Variants in PARP15 observed in about 807,000 individuals in gnomAD.
The protein encoded by PARP15 is poly(ADP-ribose) polymerase family member 15.
In PARP15, 50 loss-of-function variants were observed where a neutral mutation model predicts 62.1. The ratio of observed to expected loss-of-function variants is 0.81; its 90% CI spans 0.64 to 1.02. The LOEUF is 1.02. PARP15 is among the 50% of genes least tolerant of loss of function. The pLI is 0.00. For synonymous variants in PARP15, 309 were observed against 293.1 expected, an observed-to-expected ratio of 1.05 and a Z score of -0.55; for missense variants, 820 against 826.5, an observed-to-expected ratio of 0.99 and a Z score of 0.10.
intron 7 of PARP15, among the ~76,000 whole-genome samples, chr3:122,621,043 A>G (rs917859833): frequency 6.6e-6 from 1 of 152,280 alleles, no homozygotes; most frequent in Non-Finnish European, 1.5e-5. Flanking sequence ...CTCTTCTGGG[A>G]CAGCAGAGTG....
intron 6 of PARP15, among the ~76,000 whole-genome samples, chr3:122,619,391 C>G (rs962428283): frequency 2.0e-5 from 3 of 152,182 alleles, no homozygotes; most frequent in African/African-American, 7.2e-5. Flanking sequence ...AATCAAAGAA[C>G]TTAGTAAAGT....
At chr3:122,611,879 T>A (rs1024926880) in intron 3 of PARP15, among the ~76,000 whole-genome samples, 3 of 151,814 alleles carry the variant, frequency 2.0e-5, no homozygotes, top group African/African-American at 7.3e-5. Context: ...TACACCTGGC[T>A]AATTTTGTAT....
intron 1 of PARP15, among the ~76,000 whole-genome samples, chr3:122,586,710 C>T (rs1405536887): frequency 6.6e-6 from 1 of 151,950 alleles, no homozygotes; most frequent in Non-Finnish European, 1.5e-5. Flanking sequence ...CTATATACCC[C>T]TCACACCCCA....
intron 3 of PARP15, among the ~76,000 whole-genome samples, 173 bp downstream of exon 3, chr3:122,610,903 A>G (rs538223824): frequency 2.0e-5 from 3 of 152,158 alleles, no homozygotes; most frequent in South Asian, 2.1e-4. Context: ...TAAATATTCT[A>G]TGATGCACAC....
intron 1 of PARP15, among the ~76,000 whole-genome samples, chr3:122,601,961 G>A (rs77354799): frequency 0.016 from 2,404 of 151,910 alleles, 66 homozygotes; most frequent in African/African-American, 0.053. Context: ...TCTTAAACAG[G>A]ACTATATTAC....
Position 122,632,221 on chromosome 3 carries a change from T to C in PARP15, c.1572+2T>C, listed in dbSNP as rs1275176911. 6.2e-7 allele frequency: 1 copy of C among 1,610,714 alleles called. No individual in the cohort carries two copies. Among genetic ancestry groups the C allele is most frequent in the South Asian group, 1.1e-5 (1 of 90,570 alleles). The stretch of plus-strand genomic sequence containing the variant: ...TGTTCTTCCTACGCAATAGAGAAGG[T>C]AATACTGTGTTAAAATTTACTGTTC... On this transcript the variant is annotated splice_donor_variant, in intron 10 of 11. Transcript: ENST00000464300. LOFTEE classifies it high-confidence loss of function.
rs1482070855 is a variant in PARP15, at chr3:122,636,083, A to G, written c.2020A>G (p.Ile674Val). The stretch of plus-strand genomic sequence containing the variant: ...TAATCAGGCTTACCCAGAATATCTC[A>G]TAACTTTCACGGCTTAAAAATATTT... Reference protein sequence around the residue: ...FDNQAYPEYLITFTA With the variant: ...FDNQAYPEYLVTFTA Residue 674 changes from isoleucine (I) to valine (V), a missense_variant, in exon 12 of 12, where the codon ATA becomes GTA. By Grantham distance (29) the Ile-to-Val change is conservative. Coordinates refer to ENST00000464300, the MANE Select transcript of PARP15 (RefSeq NM_001113523.3). 11 of 1,607,900 alleles carry G rather than the reference A, an allele frequency of 6.8e-6. No homozygotes were observed. Among genetic ancestry groups the G allele is most frequent in the African/African-American group, 1.3e-5 (1 of 74,874 alleles).
chr3:122,590,992 G>A (rs895681028), intron 1 of PARP15, among the ~76,000 whole-genome samples: 2 of 152,102 alleles, frequency 1.3e-5, no homozygotes, highest in Admixed American at 6.5e-5. Flanking sequence ...CCCATGATTT[G>A]GTGAGTAAAT....
chr3:122,589,780 T>C (rs1346760489), intron 1 of PARP15, among the ~76,000 whole-genome samples: 1 of 152,226 alleles, frequency 6.6e-6, no homozygotes, highest in Non-Finnish European at 1.5e-5. Flanking sequence ...ACAAGTCTTA[T>C]TGGCTATATG....
At chr3:122,613,632 C>T (rs1350681378) in intron 4 of PARP15, among the ~76,000 whole-genome samples, 1 of 152,062 alleles carries the variant, frequency 6.6e-6, no homozygotes, top group Non-Finnish European at 1.5e-5. Flanking sequence ...ATAGCATAGA[C>T]CAGTCTACAC....
intron 3 of PARP15, 59 bp downstream of exon 3, chr3:122,610,789 G>A (rs1935510739): frequency 1.4e-6 from 2 of 1,417,932 alleles, no homozygotes; most frequent in Admixed American, 2.7e-5. Context: ...TCCTTCTGGT[G>A]TGGTATAGAT....
At chr3:122,634,939 G>T in intron 10 of PARP15, 81 bp from the exon 11 acceptor site, 28 of 1,347,574 alleles carry the variant, frequency 2.1e-5, no homozygotes, top group African/African-American at 4.5e-5. Flanking sequence ...TTTTCATATT[G>T]CTTATTTTAA....
intron 9 of PARP15, among the ~76,000 whole-genome samples, chr3:122,629,589 T>C (rs115172204): frequency 2.0e-5 from 3 of 152,194 alleles, no homozygotes; most frequent in Admixed American, 6.5e-5. Context: ...GACTGGGTTA[T>C]GAAGGGGGTG....
rs757056091 is a variant in PARP15 at position 122,621,546 on chromosome 3, C to A, written c.1166C>A (p.Thr389Asn). 6.2e-7 allele frequency: 1 copy of A among 1,614,052 alleles called. No individual in the cohort carries two copies. The highest frequency in any genetic ancestry group is 1.1e-5 in the South Asian group (1 of 91,058). ...GGAAAAGATGTCAGGAAAACGGTCA[C>A]CAGTGTTCTAGAAGAGTGTGAACAG... ...PGGKDVRKTV[T>N]SVLEECEQRK... Residue 389 changes from threonine (T) to asparagine (N), a missense_variant, in exon 8 of 12, where the codon ACC becomes AAC. Physicochemically the swap from Thr to Asn is moderately conservative, Grantham distance 65 (BLOSUM62 0). Coordinates refer to ENST00000464300, the MANE Select transcript of PARP15 (RefSeq NM_001113523.3).
intron 1 of PARP15, among the ~76,000 whole-genome samples, chr3:122,588,615 G>A (rs757621302): frequency 2.0e-5 from 3 of 151,910 alleles, no homozygotes; most frequent in Non-Finnish European, 4.4e-5. Flanking sequence ...CCATGATTGC[G>A]CCACTGCACT....
chr3:122,635,038 G>A lies in PARP15; in HGVS notation c.1591G>A (p.Ala531Thr). The A allele has an allele frequency of 6.2e-7, 1 of 1,613,982 alleles. No individual in the cohort carries two copies. ...CCTGCAGATTGAGAGGATACAGAAT[G>A]CATTTCTCTGGCAGAGCTACCAGGT... ...AIEKIERIQN[A>T]FLWQSYQVKK... The change falls in exon 11 of 12, where the codon GCA becomes ACA. Residue 531 changes from alanine to threonine, a missense_variant. Physicochemically the swap from Ala to Thr is moderately conservative, Grantham distance 58. This residue lies in a region of PARP15 where 731 missense variants were observed against 727.7 expected (regional missense o/e 1.00). Transcript: ENST00000464300.
At chr3:122,578,657 T>C (rs553625482) in intron 1 of PARP15, among the ~76,000 whole-genome samples, 15 of 152,234 alleles carry the variant, frequency 9.9e-5, no homozygotes, top group African/African-American at 3.4e-4. Context: ...TCCTAGAGAG[T>C]GCTTCCTTGT....
At chr3:122,635,275 A>G in intron 11 of PARP15, 81 bp downstream of exon 11, 3 of 1,299,906 alleles carry the variant, frequency 2.3e-6, no homozygotes, top group Non-Finnish European at 3.2e-6. Context: ...GTGTGGAACC[A>G]TGGTGGGCAG....
Position 122,626,975 on chromosome 3 carries a change from G to GA in PARP15, c.1387dup (p.Arg463LysfsTer19), listed in dbSNP as rs750794681. 601 of 1,612,558 alleles carry GA rather than the reference G, an allele frequency of 3.7e-4. 1 individual carries two copies. The highest frequency in any genetic ancestry group is 4.8e-4 in the Non-Finnish European group (561 of 1,179,576). On this transcript the variant is annotated frameshift_variant, in exon 9 of 12. Transcript: ENST00000464300. LOFTEE classifies it high-confidence loss of function. ...TGCTAAATATATTCTACGACAGCAT[G>GA]AAAAAAAGAGACCTCTCTGCATCAC... is the stretch of plus-strand genomic sequence containing the variant.
Sources: gnomAD v4.1 joint callset for allele counts (sites outside exome capture counted in the v4.1 genomes callset) on GRCh38, gnomAD v4.1.1 for gene constraint, gnomAD v4.1.1 regional missense constraint, MANE v1.5 for transcripts, NCBI Gene and HGNC (gene_info 2026-07-23, HGNC 2026-07-21) for gene names.